Variants in DPP10 observed in about 807,000 individuals in gnomAD.
DPP10 encodes dipeptidyl peptidase like 10.
A neutral mutation model predicts 120.9 loss-of-function variants in DPP10; 33 were observed. That is an observed-to-expected ratio of 0.27 (90% CI 0.21 to 0.37). The LOEUF is 0.37. Among genes scored for constraint, DPP10 ranks in the 10% least tolerant of loss-of-function variants. The pLI is 1.00. For synonymous variants in DPP10, 337 were observed against 326.1 expected (o/e 1.03, Z -0.36); for missense variants, 816 against 942.8 (o/e 0.87, Z 1.76).
At chr2:115,259,822 CTATA>C (rs1472467203) in intron 1 of DPP10, among the ~76,000 whole-genome samples, 8 of 152,012 alleles carry the variant, frequency 5.3e-5, no homozygotes, top group Non-Finnish European at 7.4e-5. Flanking sequence ...TTCACACAAA[CTATA>C]TATGATATAT....
At chr2:115,051,333 C>T (rs1300369132) in intron 1 of DPP10, among the ~76,000 whole-genome samples, 3 of 151,310 alleles carry the variant, frequency 2.0e-5, no homozygotes, top group African/African-American at 7.3e-5. Context: ...AGAAATGAAT[C>T]AAGTAGAAAT....
intron 1 of DPP10, among the ~76,000 whole-genome samples, chr2:114,531,650 C>T (rs770763148): frequency 3.3e-4 from 49 of 150,734 alleles, no homozygotes; most frequent in Non-Finnish European, 6.2e-4. Flanking sequence ...TTCTGTTTCT[C>T]TTGAGAACCC....
At chr2:115,198,864 G>A (rs1399259852) in intron 1 of DPP10, among the ~76,000 whole-genome samples, 1 of 152,070 alleles carries the variant, frequency 6.6e-6, no homozygotes, top group Admixed American at 6.6e-5. Context: ...CATCATTATT[G>A]CCTCTCAAGA....
At chr2:115,768,947 T>G (rs1681126618) in intron 13 of DPP10, among the ~76,000 whole-genome samples, 1 of 150,606 alleles carries the variant, frequency 6.6e-6, no homozygotes, top group South Asian at 2.1e-4. Context: ...TAATCTATGT[T>G]TTTTTTTTAG....
At chr2:115,612,561 C>T (rs1558924783) in intron 5 of DPP10, among the ~76,000 whole-genome samples, 1 of 152,130 alleles carries the variant, frequency 6.6e-6, no homozygotes, top group Non-Finnish European at 1.5e-5. Flanking sequence ...CCAAAAACCT[C>T]TAATATAGTG....
intron 5 of DPP10, among the ~76,000 whole-genome samples, chr2:115,560,186 C>T (rs974947107): frequency 1.1e-4 from 17 of 149,122 alleles, no homozygotes; most frequent in Non-Finnish European, 1.8e-4. Flanking sequence ...CTGGCTAACA[C>T]GGTGAAACCC....
intron 1 of DPP10, among the ~76,000 whole-genome samples, chr2:114,946,704 A>G (rs559573915): frequency 2.0e-5 from 3 of 151,018 alleles, no homozygotes; most frequent in Admixed American, 6.6e-5. Flanking sequence ...TTCATTTAGG[A>G]TTTTTTTTGT....
chr2:115,476,255 C>T (rs2075069318), intron 3 of DPP10, among the ~76,000 whole-genome samples: 1 of 152,098 alleles, frequency 6.6e-6, no homozygotes, highest in Non-Finnish European at 1.5e-5. Context: ...AGTGAGTTCT[C>T]ATGAGATCTG....
chr2:114,546,541 C>T (rs929421944), intron 1 of DPP10, among the ~76,000 whole-genome samples: 2 of 152,226 alleles, frequency 1.3e-5, no homozygotes, highest in African/African-American at 2.4e-5. Context: ...CAAACACCCT[C>T]GCTGGTCAAT....
chr2:115,460,182 A>G (rs1164391049), intron 3 of DPP10, among the ~76,000 whole-genome samples: 2 of 152,058 alleles, frequency 1.3e-5, no homozygotes, highest in African/African-American at 2.4e-5. Context: ...GACTGATATA[A>G]TAGGTTTCAG....
intron 5 of DPP10, among the ~76,000 whole-genome samples, chr2:115,668,824 A>G (rs563099464): frequency 9.9e-4 from 151 of 152,240 alleles, no homozygotes; most frequent in Non-Finnish European, 1.8e-3. Flanking sequence ...GTTGGCAGAA[A>G]GGGAGGATGA....
intron 1 of DPP10, among the ~76,000 whole-genome samples, chr2:114,794,026 C>A (rs1360400986): frequency 6.6e-6 from 1 of 152,172 alleles, no homozygotes; most frequent in Non-Finnish European, 1.5e-5. Flanking sequence ...TTTAATGTAT[C>A]CAATGCTCTG....
intron 1 of DPP10, among the ~76,000 whole-genome samples, chr2:115,153,892 T>A (rs2051725649): frequency 6.6e-6 from 1 of 152,228 alleles, no homozygotes; most frequent in Non-Finnish European, 1.5e-5. Flanking sequence ...CTTTGCTTTC[T>A]ATAACATTCT....
At chr2:114,809,943 C>G (rs1685044018) in intron 1 of DPP10, among the ~76,000 whole-genome samples, 1 of 152,096 alleles carries the variant, frequency 6.6e-6, no homozygotes, top group African/African-American at 2.4e-5. Flanking sequence ...ACCCCAAAGG[C>G]CTATACTCAA....
At chr2:115,613,999 A>T (rs543134510) in intron 5 of DPP10, among the ~76,000 whole-genome samples, 1 of 152,306 alleles carries the variant, frequency 6.6e-6, no homozygotes, top group African/African-American at 2.4e-5. Context: ...TCCCAAAGGC[A>T]TTAATTACCA....
At chr2:114,615,880 TAC>T (rs1205677392) in intron 1 of DPP10, among the ~76,000 whole-genome samples, 1 of 152,146 alleles carries the variant, frequency 6.6e-6, no homozygotes, top group African/African-American at 2.4e-5. Flanking sequence ...TGCTAAAGAA[TAC>T]AGAGTTTGCC....
At chr2:115,057,088 AT>A (rs1033899034) in intron 1 of DPP10, among the ~76,000 whole-genome samples, 18 of 152,136 alleles carry the variant, frequency 1.2e-4, no homozygotes, top group Admixed American at 4.6e-4. Context: ...TGTATCTTTA[AT>A]TTTTTTCTAC....
At chr2:115,181,603 G>GA (rs1479332584) in intron 1 of DPP10, among the ~76,000 whole-genome samples, 2 of 152,038 alleles carry the variant, frequency 1.3e-5, no homozygotes, top group African/African-American at 2.4e-5. Flanking sequence ...AGTACCGAGG[G>GA]AAAAAAACCC....
At chr2:114,691,230 G>A (rs1259774938) in intron 1 of DPP10, among the ~76,000 whole-genome samples, 1 of 151,872 alleles carries the variant, frequency 6.6e-6, no homozygotes, top group African/African-American at 2.4e-5. Context: ...TTATTTTGAT[G>A]TATGTTCCTT....
Sources: allele counts gnomAD v4.1 joint callset (sites outside exome capture counted in the v4.1 genomes callset), GRCh38; gene constraint gnomAD v4.1.1; transcripts MANE v1.5; gene names NCBI Gene and HGNC (gene_info 2026-07-23, HGNC 2026-07-21).